The following NIBAN1 variants were observed in gnomAD, a reference collection of about 807,000 sequenced individuals.
NIBAN1 encodes the protein niban apoptosis regulator 1.
Under a neutral mutation model 75.1 loss-of-function variants are expected in NIBAN1, and 81 were observed. That is an observed-to-expected ratio of 1.08 (90% CI 0.90 to 1.30). The LOEUF is 1.30. Ranked by LOEUF, NIBAN1 falls within the 50% of genes most tolerant of loss-of-function variation. NIBAN1 has a pLI of 0.00. For synonymous variants in NIBAN1, 436 were observed against 424.8 expected (o/e 1.03, Z -0.32); for missense variants, 1,133 against 1,128.1 (o/e 1.00, Z -0.06).
chr1:184,965,472 A>C (rs1017085750), intron 1 of NIBAN1, among the ~76,000 whole-genome samples: 5 of 152,188 alleles, frequency 3.3e-5, no homozygotes, highest in African/African-American at 1.2e-4. Context: ...CAATGAATAC[A>C]TGCATGCAGT....
rs144571721 is a variant in NIBAN1, at chr1:184,818,772, G to A, written c.1039C>T (p.Leu347=). 6.2e-7 allele frequency: 1 copy of A among 1,612,368 alleles called. No homozygotes were observed. The highest frequency in any genetic ancestry group is 1.3e-5 in the African/African-American group (1 of 75,048). The change falls in exon 9 of 14, where the codon CTG becomes TTG. Residue 347 remains leucine, a synonymous_variant. Transcript: ENST00000367511. Reference sequence around the variant, plus strand: ...ATGAGCTCCTCCAGGATGGATGCCAGGAATGGCTGCACACTCTCCAAGCAG... The same window carrying A: ...ATGAGCTCCTCCAGGATGGATGCCAAGAATGGCTGCACACTCTCCAAGCAG... ...KSCLESVQPF[L]ASILEELMGP...
At chr1:184,829,212 C>G (rs911013875) in intron 6 of NIBAN1, among the ~76,000 whole-genome samples, 2 of 152,118 alleles carry the variant, frequency 1.3e-5, no homozygotes, top group Non-Finnish European at 2.9e-5. Context: ...TCCTGCAAAA[C>G]TAGGAGCTTA....
intron 4 of NIBAN1, among the ~76,000 whole-genome samples, chr1:184,888,705 A>G (rs1557901569): frequency 6.6e-6 from 1 of 152,244 alleles, no homozygotes; most frequent in Non-Finnish European, 1.5e-5. Context: ...ATATGATTAC[A>G]GCAATAAATC....
intron 6 of NIBAN1, among the ~76,000 whole-genome samples, chr1:184,827,727 G>A (rs770098881): frequency 6.6e-5 from 10 of 151,896 alleles, no homozygotes; most frequent in Non-Finnish European, 1.5e-4. Flanking sequence ...CCACACCACA[G>A]TGCTTCCTTT....
chr1:184,800,208 G>A lies in NIBAN1; in HGVS notation c.1555-2018C>T, dbSNP rs1421585740. ...ATGTCCTTTGCCCACTTTTTGATGGGGTTGTTTGTTTTTTTCTTGTAAATT... is the reference window on the plus strand; with the variant it reads ...ATGTCCTTTGCCCACTTTTTGATGGAGTTGTTTGTTTTTTTCTTGTAAATT... On this transcript the variant is annotated intron_variant, in intron 12 of 13. Coordinates refer to ENST00000367511, the MANE Select transcript of NIBAN1 (RefSeq NM_052966.4). Among the ~76,000 whole-genome samples, 379 of 151,358 alleles carry A rather than the reference G, an allele frequency of 2.5e-3. 1 individual carries two copies. The East Asian group carries it at 0.032, about 13-fold the overall frequency.
intron 1 of NIBAN1, among the ~76,000 whole-genome samples, chr1:184,919,688 C>T (rs1657479779): frequency 6.6e-6 from 1 of 152,070 alleles, no homozygotes; most frequent in Non-Finnish European, 1.5e-5. Flanking sequence ...GGACTTGTCT[C>T]TATTAGGGTA....
In NIBAN1 at chr1:184,792,316, C is replaced by G. The variant is rs914487422; in HGVS notation, c.*2661G>C. 1 of 152,298 alleles carries G rather than the reference C, an allele frequency of 6.6e-6. No individual in the cohort carries two copies. Among genetic ancestry groups the G allele is most frequent in the Non-Finnish European group, 1.5e-5 (1 of 68,062 alleles). The allele number at this position is 152,298 out of a possible 1,614,324, so 9.4% of individuals were successfully genotyped here. ...CTGGAGTACATCCTGCCAAATAGTG[C>G]CCAGTCCTCCCTGACCTACATGATG... is the stretch of plus-strand genomic sequence containing the variant. On this transcript the variant is annotated 3_prime_UTR_variant, in exon 14 of 14. Transcript: ENST00000367511.
At chr1:184,797,762 C>T (rs751907402) in intron 13 of NIBAN1, among the ~76,000 whole-genome samples, 1 of 152,114 alleles carries the variant, frequency 6.6e-6, no homozygotes, top group Non-Finnish European at 1.5e-5. Flanking sequence ...ATGAGAGACC[C>T]GAGATTTAAT....
rs1434722504 is a variant in NIBAN1 at position 184,845,772 on chromosome 1, G to C, written c.602-13810C>G. Among the ~76,000 whole-genome samples, 3 of 85,156 alleles carry C rather than the reference G, an allele frequency of 3.5e-5. 1 individual carries two copies. Among genetic ancestry groups the C allele is most frequent in the East Asian group, 5.1e-4 (2 of 3,944 alleles). 55.9% of individuals were successfully genotyped at this position (85,156 alleles called of 152,430 possible). ...GCGCAGGCCAGTGTGTGTGCGCACC[G>C]TGCGCGAGCCGAAGCAGGGCGAGGC... is the stretch of plus-strand genomic sequence containing the variant. On this transcript the variant is annotated intron_variant, in intron 5 of 13. Coordinates refer to ENST00000367511, the MANE Select transcript of NIBAN1 (RefSeq NM_052966.4).
At chr1:184,818,003 T>C (rs1032411904) in intron 9 of NIBAN1, among the ~76,000 whole-genome samples, 17 of 152,236 alleles carry the variant, frequency 1.1e-4, no homozygotes, top group African/African-American at 3.9e-4. Context: ...TTGATCTTTT[T>C]TGTCTATAAA....
rs747491478 is a variant in NIBAN1, at chr1:184,894,166, A to C, written c.227T>G (p.Leu76Arg). Residue 76 changes from leucine to arginine, a missense_variant, in exon 3 of 14, where the codon CTA becomes CGA. Transcript: ENST00000367511. ...APGTILYEAE[L>R]SQFSEDIKKW... ...CTTTATGTCTTCAGAAAATTGTGAT[A>C]GCTCTGCTTCATACAAAATAGTTCC... is the stretch of plus-strand genomic sequence containing the variant. 81 of 1,612,404 alleles carry C rather than the reference A, an allele frequency of 5.0e-5. No individual in the cohort carries two copies.
intron 5 of NIBAN1, among the ~76,000 whole-genome samples, chr1:184,879,027 T>G (rs547629201): frequency 1.3e-5 from 2 of 152,250 alleles, no homozygotes; most frequent in South Asian, 4.1e-4. Flanking sequence ...GAGTACTAAC[T>G]ATGTGAGGCA....
In NIBAN1 at chr1:184,839,464, G is replaced by A. The variant is rs559412289; in HGVS notation, c.602-7502C>T. On this transcript the variant is annotated intron_variant, in intron 5 of 13. Transcript: ENST00000367511. The stretch of plus-strand genomic sequence containing the variant: ...AAAGGGAGCATCTTGCAACCCTATA[G>A]TACGATATACCACAACCATGAAATT... 5.3e-5 allele frequency among the ~76,000 whole-genome samples: 8 copies of A among 152,002 alleles called. No individual in the cohort carries two copies. In the South Asian group the frequency reaches 1.5e-3, roughly 28 times the overall value.
chr1:184,884,755 T>A lies in NIBAN1; in HGVS notation c.479A>T (p.Lys160Met). Residue 160 changes from lysine (K) to methionine (M), a missense_variant, in exon 5 of 14, where the codon AAG becomes ATG. Transcript: ENST00000367511. ...CTGCCACAGGTACACTGGGAATTCCTTGGGCAGGACCACAAAGGGCTGAGT... is the reference window on the plus strand; with the variant it reads ...CTGCCACAGGTACACTGGGAATTCCATGGGCAGGACCACAAAGGGCTGAGT... ...ENTQPFVVLP[K>M]EFPVYLWQPF... 6.2e-7 allele frequency: 1 copy of A among 1,614,194 alleles called. No individual in the cohort carries two copies.
chr1:184,855,086 G>C (rs899708212), intron 5 of NIBAN1, among the ~76,000 whole-genome samples: 1 of 152,118 alleles, frequency 6.6e-6, no homozygotes, highest in Admixed American at 6.5e-5. Flanking sequence ...ATTGTGGAAG[G>C]CATGATGGAA....
At chr1:184,836,379 T>A (rs1655143809) in intron 5 of NIBAN1, among the ~76,000 whole-genome samples, 1 of 152,160 alleles carries the variant, frequency 6.6e-6, no homozygotes, top group Admixed American at 6.5e-5. Context: ...GGGAATGAAG[T>A]TTTAAATTCT....
chr1:184,933,598 T>C (rs1401221569), intron 1 of NIBAN1, among the ~76,000 whole-genome samples: 3 of 152,238 alleles, frequency 2.0e-5, no homozygotes. Flanking sequence ...AGAAAACTGA[T>C]GTTCATAAGT....
At chr1:184,881,561 G>A (rs920633099) in intron 5 of NIBAN1, among the ~76,000 whole-genome samples, 4 of 152,302 alleles carry the variant, frequency 2.6e-5, no homozygotes, top group East Asian at 1.9e-4. Context: ...AATTCAGGGC[G>A]AGTGCACAGT....
chr1:184,897,302 G>A (rs1438152334), intron 2 of NIBAN1, among the ~76,000 whole-genome samples: 1 of 151,652 alleles, frequency 6.6e-6, no homozygotes, highest in Non-Finnish European at 1.5e-5. Context: ...GTGTGTGTGT[G>A]TGTGTGTGTG....
Sources: allele counts gnomAD v4.1 joint callset (sites outside exome capture counted in the v4.1 genomes callset), GRCh38; gene constraint gnomAD v4.1.1; transcripts MANE v1.5; gene names NCBI Gene and HGNC (gene_info 2026-07-23, HGNC 2026-07-21).